Variants in PACRG observed in about 807,000 individuals in gnomAD.
PACRG encodes the protein parkin coregulated gene protein.
A neutral mutation model predicts 29.7 loss-of-function variants in PACRG; 29 were observed. That is an observed-to-expected ratio of 0.98 (90% CI 0.73 to 1.33). The LOEUF (loss-of-function observed/expected upper bound fraction) is 1.33. Ranked by LOEUF, PACRG falls within the 40% of genes most tolerant of loss-of-function variation. PACRG has a pLI of 0.00. For missense variants in PACRG, 279 were observed against 316.2 expected (o/e 0.88, Z 0.89); for synonymous variants, 116 against 118.7 (o/e 0.98, Z 0.15).
intron 2 of PACRG, among the ~76,000 whole-genome samples, chr6:163,005,462 C>G (rs1220753892): frequency 1.3e-5 from 2 of 151,716 alleles, no homozygotes; most frequent in Non-Finnish European, 2.9e-5. Flanking sequence ...CTAATTATTA[C>G]TTTAGTAGTG....
intron 2 of PACRG, among the ~76,000 whole-genome samples, chr6:162,977,317 G>A (rs994675059): frequency 5.3e-5 from 8 of 151,688 alleles, no homozygotes; most frequent in African/African-American, 1.9e-4. Context: ...AAATTGTCAT[G>A]TAAAAGTCCT....
chr6:162,789,163 A>G (rs1337132266), intron 1 of PACRG, among the ~76,000 whole-genome samples: 3 of 152,170 alleles, frequency 2.0e-5, no homozygotes, highest in Non-Finnish European at 4.4e-5. Context: ...ATTATCTCCA[A>G]GAGATCTAAA....
At chr6:163,137,972 C>T (rs1817003726) in intron 4 of PACRG, among the ~76,000 whole-genome samples, 1 of 152,218 alleles carries the variant, frequency 6.6e-6, no homozygotes, top group Admixed American at 6.5e-5. Flanking sequence ...GAAGCCACGG[C>T]TCAGCCTTCC....
At chr6:162,904,193 A>G (rs1795773392) in intron 2 of PACRG, among the ~76,000 whole-genome samples, 1 of 152,202 alleles carries the variant, frequency 6.6e-6, no homozygotes, top group South Asian at 2.1e-4. Flanking sequence ...CCTTTACATA[A>G]AGTCAACTGA....
intron 4 of PACRG, among the ~76,000 whole-genome samples, chr6:163,158,862 T>G (rs1778431042): frequency 6.6e-6 from 1 of 152,212 alleles, no homozygotes; most frequent in African/African-American, 2.4e-5. Context: ...AGCTTTTTTT[T>G]TGCAATGGAA....
chr6:163,238,110 C>A (rs1305004770), intron 4 of PACRG, among the ~76,000 whole-genome samples: 1 of 152,006 alleles, frequency 6.6e-6, no homozygotes, highest in African/African-American at 2.4e-5. Flanking sequence ...TCTTGGTTAA[C>A]TGAAAAAGAA....
chr6:163,239,274 G>A (rs975864302), intron 4 of PACRG, among the ~76,000 whole-genome samples: 4 of 152,076 alleles, frequency 2.6e-5, no homozygotes, highest in Non-Finnish European at 4.4e-5. Context: ...GTCAACACAC[G>A]GTTTTAAGTT....
At chr6:163,232,650 C>T (rs980969864) in intron 4 of PACRG, among the ~76,000 whole-genome samples, 5 of 152,152 alleles carry the variant, frequency 3.3e-5, no homozygotes, top group Middle Eastern at 3.4e-3. Context: ...TAAGGCACAC[C>T]GGGGAAGGTC....
At chr6:163,231,241 A>G (rs1782032324) in intron 4 of PACRG, among the ~76,000 whole-genome samples, 1 of 152,158 alleles carries the variant, frequency 6.6e-6, no homozygotes, top group Non-Finnish European at 1.5e-5. Context: ...CGGCTTTTCT[A>G]TTTCTCTTAA....
chr6:162,963,411 A>G (rs1474690108), intron 2 of PACRG, among the ~76,000 whole-genome samples: 1 of 152,084 alleles, frequency 6.6e-6, no homozygotes, highest in East Asian at 1.9e-4. Context: ...AATTTATTAT[A>G]TGAAATTTTC....
intron 4 of PACRG, among the ~76,000 whole-genome samples, chr6:163,197,108 A>T (rs1021826735): frequency 6.6e-6 from 1 of 152,234 alleles, no homozygotes; most frequent in Non-Finnish European, 1.5e-5. Context: ...CTTGAACCTA[A>T]AATTTTCAAG....
intron 2 of PACRG, among the ~76,000 whole-genome samples, chr6:162,921,973 T>A (rs1250475835): frequency 6.6e-6 from 1 of 152,086 alleles, no homozygotes; most frequent in Non-Finnish European, 1.5e-5. Context: ...TTTCCTGAAG[T>A]TCGCCGCTGT....
intron 1 of PACRG, among the ~76,000 whole-genome samples, chr6:162,752,839 G>A (rs564616381): frequency 3.2e-4 from 49 of 152,272 alleles, no homozygotes; most frequent in Admixed American, 7.8e-4. Flanking sequence ...CCTGTTTAAT[G>A]TATTGTTGAG....
chr6:163,160,624 C>T (rs12190791), intron 4 of PACRG, among the ~76,000 whole-genome samples: 17,739 of 152,104 alleles, frequency 0.12, 1,213 homozygotes, highest in Middle Eastern at 0.2. Context: ...TGAATTGCTG[C>T]GTGGACAATA....
intron 2 of PACRG, among the ~76,000 whole-genome samples, chr6:162,881,937 C>G (rs1793891609): frequency 7.9e-6 from 1 of 125,948 alleles, no homozygotes; most frequent in Non-Finnish European, 1.6e-5. Context: ...CCACAGGGTC[C>G]TCTCCACCAA....
chr6:162,752,132 A>T (rs1171604745), intron 1 of PACRG, among the ~76,000 whole-genome samples: 1 of 152,220 alleles, frequency 6.6e-6, no homozygotes, highest in Non-Finnish European at 1.5e-5. Context: ...AAAAATTCAG[A>T]TGAAGAATTT....
rs543064064 is a variant in PACRG, at chr6:162,966,468, A to T, written c.292-95682A>T. Among the ~76,000 whole-genome samples the T allele has an allele frequency of 3.6e-5, 5 of 139,318 alleles. No individual in the cohort carries two copies. The South Asian group carries it at 1.2e-3, about 33-fold the overall frequency. The allele number at this position is 139,318 out of a possible 152,430, so 91.4% of individuals were successfully genotyped here. A position where few individuals can be genotyped will look rare whatever the true frequency, so the allele number is the denominator to read the frequency against. On this transcript the variant is annotated intron_variant, in intron 2 of 4. Transcript: ENST00000366888. ...GGATACAAAGATGTTAATGGAGGGA[A>T]TGACATGTATTTTTTTTTTTTTTTT...
chr6:163,188,792 CTG>C (rs1343956554), intron 4 of PACRG, among the ~76,000 whole-genome samples: 4 of 152,234 alleles, frequency 2.6e-5, no homozygotes, highest in Non-Finnish European at 4.4e-5. Flanking sequence ...ATCTGAAAAA[CTG>C]TCGTCATTGC....
chr6:163,314,726 T>C, intron 4 of PACRG, 101 bp from the exon 5 acceptor site: 3 of 1,283,720 alleles, frequency 2.3e-6, no homozygotes, highest in Non-Finnish European at 3.1e-6. Flanking sequence ...TGCATGTTTG[T>C]GTCTCCTAAT....
Sources: allele counts gnomAD v4.1 joint callset (sites outside exome capture counted in the v4.1 genomes callset), GRCh38; gene constraint gnomAD v4.1.1; transcripts MANE v1.5; gene names NCBI Gene and HGNC (gene_info 2026-07-23, HGNC 2026-07-21).